Variants in PODXL observed in about 807,000 individuals in gnomAD.
PODXL encodes podocalyxin.
Under a neutral mutation model 48.9 loss-of-function variants are expected in PODXL, and 20 were observed. That is an observed-to-expected ratio of 0.41 (90% CI 0.29 to 0.59). PODXL has a LOEUF of 0.59. Among genes scored for constraint, PODXL ranks in the 20% least tolerant of loss-of-function variants. PODXL has a pLI of 0.31. For synonymous variants in PODXL, 295 were observed against 287.4 expected (o/e 1.03, Z -0.27); for missense variants, 606 against 675.1 (o/e 0.90, Z 1.13).
intron 1 of PODXL, among the ~76,000 whole-genome samples, chr7:131,524,765 T>C (rs1798153824): frequency 1.3e-5 from 2 of 152,116 alleles, no homozygotes; most frequent in South Asian, 4.2e-4. Context: ...CTACATGAAA[T>C]GAAAACCTAT....
At chr7:131,516,022 A>T (rs896104938) in intron 1 of PODXL, among the ~76,000 whole-genome samples, 2 of 152,278 alleles carry the variant, frequency 1.3e-5, no homozygotes, top group Non-Finnish European at 2.9e-5. Context: ...GATATTTAAC[A>T]TAAGGGTGCT....
At chr7:131,504,811 ACCT>A (rs543503806) in intron 8 of PODXL, among the ~76,000 whole-genome samples, 1 of 151,510 alleles carries the variant, frequency 6.6e-6, no homozygotes, top group African/African-American at 2.4e-5. Flanking sequence ...TTCCCCCAAA[ACCT>A]CCTCTCCAGG....
Position 131,556,274 on chromosome 7 carries a change from G to A in PODXL, c.86C>T (p.Ser29Leu), listed in dbSNP as rs1000639507. 2.2e-5 allele frequency: 17 copies of A among 779,664 alleles called. No homozygotes were observed. The highest frequency in any genetic ancestry group is 2.8e-5 in the Non-Finnish European group (17 of 617,138). 48.3% of individuals were successfully genotyped at this position (779,664 alleles called of 1,614,324 possible). A position where few individuals can be genotyped will look rare whatever the true frequency, so the allele number is the denominator to read the frequency against. Residue 29 changes from serine (S) to leucine (L), a missense_variant, in exon 1 of 9, where the codon TCG (serine) becomes TTG (leucine). By Grantham distance (145) the Ser-to-Leu change is moderately radical (BLOSUM62 -2). Transcript: ENST00000378555. The stretch of plus-strand genomic sequence containing the variant: ...CGGCCACTCACCATTCTGGGAGGGC[G>A]ACGGCGACGGCGACGGCGACGACGG... ...LLPSSPSPSP[S>L]PSQNATQTTT...
intron 1 of PODXL, among the ~76,000 whole-genome samples, chr7:131,524,248 T>C (rs1283127897): frequency 6.6e-6 from 1 of 151,990 alleles, no homozygotes; most frequent in East Asian, 1.9e-4. Flanking sequence ...TGGGAAGAGA[T>C]TGAATGCTTT....
chr7:131,512,600 G>A (rs917851161), intron 1 of PODXL, among the ~76,000 whole-genome samples: 2 of 152,172 alleles, frequency 1.3e-5, no homozygotes, highest in Non-Finnish European at 2.9e-5. Flanking sequence ...GTCAGGTTCA[G>A]GGCTGAGAAA....
intron 8 of PODXL, 77 bp from the exon 9 acceptor site, chr7:131,504,585 T>TCCCACTCAGGAGC (rs1797768596): frequency 8.2e-7 from 1 of 1,212,910 alleles, no homozygotes; most frequent in Admixed American, 1.8e-5. Context: ...TACGTACCCC[T>TCCCACTCAGGAGC]CCCACTCAGG....
intron 1 of PODXL, among the ~76,000 whole-genome samples, chr7:131,522,431 C>T (rs188806078): frequency 2.0e-4 from 31 of 152,046 alleles, no homozygotes; most frequent in Admixed American, 1.6e-3. Flanking sequence ...GGCAACATGG[C>T]GAGGATGCAT....
intron 1 of PODXL, among the ~76,000 whole-genome samples, chr7:131,513,633 C>T (rs183386663): frequency 5.3e-5 from 8 of 152,344 alleles, no homozygotes; most frequent in East Asian, 1.9e-4. Context: ...TCATTCCAGC[C>T]GTGACGGGCT....
Position 131,508,734 on chromosome 7 carries a change from GT to G in PODXL, c.1101+216del, listed in dbSNP as rs568913143. Among the ~76,000 whole-genome samples the G allele has an allele frequency of 5.3e-5, 8 of 152,004 alleles. No individual in the cohort carries two copies. The East Asian group carries it at 1.5e-3, about 29-fold the overall frequency. ...GGGTGGGAGGGGGGGGTCCAGTCCT[GT>G]GGGTGTGTCCTGACTTAGAGAAGTC... is the stretch of plus-strand genomic sequence containing the variant. On this transcript the variant is annotated intron_variant, in intron 5 of 8. Coordinates refer to ENST00000378555, the MANE Select transcript of PODXL (RefSeq NM_001018111.3).
intron 1 of PODXL, among the ~76,000 whole-genome samples, chr7:131,552,936 G>A (rs1250314318): frequency 6.6e-6 from 1 of 152,092 alleles, no homozygotes; most frequent in Non-Finnish European, 1.5e-5. Flanking sequence ...ACAGGCGTGT[G>A]CCACTACCAT....
chr7:131,526,578 C>G (rs1364367923), intron 1 of PODXL, among the ~76,000 whole-genome samples: 1 of 151,020 alleles, frequency 6.6e-6, no homozygotes, highest in Non-Finnish European at 1.5e-5. Context: ...TAAGAATTTT[C>G]ATTTCATACC....
At chr7:131,543,554 GCAGT>G (rs1798517233) in intron 1 of PODXL, among the ~76,000 whole-genome samples, 1 of 152,116 alleles carries the variant, frequency 6.6e-6, no homozygotes, top group African/African-American at 2.4e-5. Context: ...AGACGAGCAA[GCAGT>G]CAGAGGACCA....
intron 1 of PODXL, among the ~76,000 whole-genome samples, chr7:131,554,468 G>A (rs1798714582): frequency 6.6e-6 from 1 of 152,156 alleles, no homozygotes; most frequent in Non-Finnish European, 1.5e-5. Context: ...ATTTTTGTTT[G>A]CCACATACCA....
intron 1 of PODXL, among the ~76,000 whole-genome samples, chr7:131,518,576 C>T (rs1385803646): frequency 6.6e-6 from 1 of 151,998 alleles, no homozygotes; most frequent in Admixed American, 6.5e-5. Flanking sequence ...GGGGAATCCC[C>T]TGGGTTCTAG....
rs1238013075 is a variant in PODXL, at chr7:131,500,948, G to A, written c.*3363C>T. On this transcript the variant is annotated 3_prime_UTR_variant, in exon 9 of 9. Coordinates refer to ENST00000378555, the MANE Select transcript of PODXL (RefSeq NM_001018111.3). Reference sequence around the variant, plus strand: ...AGTCACTTCATCTTTGTGAGCTTCAGATTATCTTTTTCTCTAGAAAAAGAT... The same window carrying A: ...AGTCACTTCATCTTTGTGAGCTTCAAATTATCTTTTTCTCTAGAAAAAGAT... 2 of 152,088 alleles carry A rather than the reference G, an allele frequency of 1.3e-5. No homozygotes were observed. The highest frequency in any genetic ancestry group is 4.8e-5 in the African/African-American group (2 of 41,414). 9.4% of individuals were successfully genotyped at this position (152,088 alleles called of 1,614,324 possible).
chr7:131,556,141 C>CG (rs1242861361), intron 1 of PODXL, 119 bp downstream of exon 1: 81 of 1,269,670 alleles, frequency 6.4e-5, no homozygotes, highest in Non-Finnish European at 7.8e-5. Flanking sequence ...GTGACCCCGG[C>CG]GGTGATAGGG....
At position 131,509,347 on chromosome 7, in the gene PODXL, C is replaced by T; in HGVS notation, c.1023+18G>A. 3 of 1,594,520 alleles carry T rather than the reference C, an allele frequency of 1.9e-6. No homozygotes were observed. The highest frequency in any genetic ancestry group is 2.2e-5 in the South Asian group (2 of 90,674). The stretch of plus-strand genomic sequence containing the variant: ...CGAGTCTGGGTTCTCCTACTTGCCC[C>T]ACCCCTGCTGGAGTTACCCAGTTAC... On this transcript the variant is annotated intron_variant, in intron 4 of 8. Transcript: ENST00000378555.
At chr7:131,555,644 C>T (rs943675558) in intron 1 of PODXL, among the ~76,000 whole-genome samples, 1 of 152,214 alleles carries the variant, frequency 6.6e-6, no homozygotes, top group African/African-American at 2.4e-5. Flanking sequence ...GACCCCCACT[C>T]AGCCAGGTGA....
intron 1 of PODXL, among the ~76,000 whole-genome samples, chr7:131,526,667 T>C (rs1484151860): frequency 1.3e-4 from 20 of 150,900 alleles, no homozygotes; most frequent in Admixed American, 1.3e-3. Context: ...TGAAACACTT[T>C]GGAAAAGAGT....
Sources: allele counts gnomAD v4.1 joint callset (sites outside exome capture counted in the v4.1 genomes callset), GRCh38; gene constraint gnomAD v4.1.1; transcripts MANE v1.5; gene names NCBI Gene and HGNC (gene_info 2026-07-23, HGNC 2026-07-21).